Variants in SORCS1 observed in about 807,000 individuals in gnomAD.
SORCS1 encodes VPS10 domain-containing receptor SorCS1.
In SORCS1, 60 loss-of-function variants were observed where a neutral mutation model predicts 146.1. The observed-to-expected ratio is 0.41, with a 90% CI of 0.33 to 0.51. SORCS1 has a LOEUF of 0.51. Among genes scored for constraint, SORCS1 ranks in the 20% least tolerant of loss-of-function variants. The pLI is 0.21. For synonymous variants in SORCS1, 637 were observed against 584.0 expected (o/e 1.09, Z -1.31); for missense variants, 1,352 against 1,487.6 (o/e 0.91, Z 1.50).
chr10:107,179,904 C>CTTTTTTTT, the SORCS1 span, among the ~76,000 whole-genome samples: 17 of 51,286 alleles, frequency 3.3e-4, 4 homozygotes, highest in African/African-American at 1.0e-3. Context: ...ACAAAACAGA[C>CTTTTTTTT]TTTTTTTTTT....
intron 1 of SORCS1, among the ~76,000 whole-genome samples, chr10:106,978,006 C>A (rs1956103802): frequency 6.6e-6 from 1 of 152,176 alleles, no homozygotes; most frequent in Admixed American, 6.5e-5. Flanking sequence ...GTGCAAGGCA[C>A]GATCTCGGCT....
At chr10:106,731,292 CAAAAAAAA>C (rs57238882) in intron 5 of SORCS1, among the ~76,000 whole-genome samples, 3 of 23,760 alleles carry the variant, frequency 1.3e-4, no homozygotes, top group Non-Finnish European at 1.8e-4. Context: ...GACTCCGTCT[CAAAAAAAA>C]AAAAAAAAAA....
chr10:106,618,499 T>C lies in SORCS1; in HGVS notation c.2797-227A>G, dbSNP rs369153210. Among the ~76,000 whole-genome samples, 31 of 152,306 alleles carry C rather than the reference T, an allele frequency of 2.0e-4. No homozygotes were observed. In the East Asian group the frequency reaches 3.5e-3, roughly 17 times the overall value. ...AGTCTGCCTATTCATTGTGAATTCC[T>C]GATATCATCCTGATTCAGGGCTGGG... On this transcript the variant is annotated intron_variant, in intron 20 of 25. Transcript: ENST00000263054.
intron 3 of SORCS1, among the ~76,000 whole-genome samples, chr10:106,818,523 G>A (rs1485567148): frequency 6.6e-6 from 1 of 151,888 alleles, no homozygotes; most frequent in Non-Finnish European, 1.5e-5. Flanking sequence ...GCACCACCAG[G>A]CCCAGCAAAT....
At chr10:106,648,254 G>C (rs908474192) in intron 18 of SORCS1, among the ~76,000 whole-genome samples, 3 of 151,904 alleles carry the variant, frequency 2.0e-5, no homozygotes, top group Admixed American at 6.6e-5. Context: ...CCCTTTTAAA[G>C]TTACTGTAAT....
upstream of SORCS1, among the ~76,000 whole-genome samples, chr10:107,167,828 A>G (rs1476875968): frequency 6.6e-6 from 1 of 152,058 alleles, no homozygotes; most frequent in Non-Finnish European, 1.5e-5. Context: ...GTATAAAGAG[A>G]GAGACAGAAG....
intron 3 of SORCS1, among the ~76,000 whole-genome samples, chr10:106,802,026 A>G (rs1946928090): frequency 1.3e-5 from 2 of 152,154 alleles, no homozygotes; most frequent in South Asian, 4.1e-4. Flanking sequence ...TTCATTCTCA[A>G]AGTTCACGCC....
At chr10:107,111,350 G>A (rs1286985147) in intron 1 of SORCS1, among the ~76,000 whole-genome samples, 4 of 152,080 alleles carry the variant, frequency 2.6e-5, no homozygotes, top group Non-Finnish European at 5.9e-5. Flanking sequence ...AAAATAAAAA[G>A]TTTAATAAAG....
chr10:107,121,918 T>C (rs1161052046), intron 1 of SORCS1, among the ~76,000 whole-genome samples: 2 of 152,166 alleles, frequency 1.3e-5, no homozygotes, highest in Non-Finnish European at 2.9e-5. Flanking sequence ...TACAAAAATG[T>C]ATTTATTATA....
At chr10:106,818,576 G>A (rs558695407) in intron 3 of SORCS1, among the ~76,000 whole-genome samples, 4 of 152,224 alleles carry the variant, frequency 2.6e-5, no homozygotes, top group Admixed American at 1.3e-4. Flanking sequence ...ATGTTGGCCA[G>A]GATAGTCTCG....
chr10:106,639,846 C>A lies in SORCS1; in HGVS notation c.2476-10458G>T, dbSNP rs895278233. Among the ~76,000 whole-genome samples the A allele has an allele frequency of 1.9e-4, 29 of 151,928 alleles. 1 individual carries two copies. ...CATCCTGGCCAACATGGTGAAACTC[C>A]GTCTCTACTAAATATACAAAAATTA... is the stretch of plus-strand genomic sequence containing the variant. On this transcript the variant is annotated intron_variant, in intron 18 of 25. Coordinates refer to ENST00000263054, the MANE Select transcript of SORCS1 (RefSeq NM_052918.5).
At chr10:106,687,131 T>C (rs1852911170) in intron 10 of SORCS1, among the ~76,000 whole-genome samples, 1 of 152,194 alleles carries the variant, frequency 6.6e-6, no homozygotes, top group Non-Finnish European at 1.5e-5. Context: ...CCTCGCCTCC[T>C]TCTGCATTCA....
chr10:106,748,473 G>A (rs1000509797), intron 5 of SORCS1, among the ~76,000 whole-genome samples: 2 of 151,784 alleles, frequency 1.3e-5, no homozygotes, highest in Admixed American at 1.3e-4. Flanking sequence ...ACAGACCAGC[G>A]ATTCCCCCAT....
chr10:106,577,384 G>A lies in SORCS1; in HGVS notation c.*36C>T. 1 of 1,613,434 alleles carries A rather than the reference G, an allele frequency of 6.2e-7. No homozygotes were observed. The highest frequency in any genetic ancestry group is 8.5e-7 in the Non-Finnish European group (1 of 1,179,544). ...CTTGACAAGAGCGAAATTCTTTCCTGATCAGCAGGTCGCCTGTAGCCTTTG... is the reference window on the plus strand; with the variant it reads ...CTTGACAAGAGCGAAATTCTTTCCTAATCAGCAGGTCGCCTGTAGCCTTTG... On this transcript the variant is annotated 3_prime_UTR_variant, in exon 26 of 26. Coordinates refer to ENST00000263054, the MANE Select transcript of SORCS1 (RefSeq NM_052918.5).
At chr10:107,118,426 GAA>G (rs1261071510) in intron 1 of SORCS1, among the ~76,000 whole-genome samples, 1 of 152,160 alleles carries the variant, frequency 6.6e-6, no homozygotes, top group African/African-American at 2.4e-5. Flanking sequence ...GTAAATCCAG[GAA>G]ACAATCCATC....
chr10:106,882,095 C>T (rs969117806), intron 2 of SORCS1, among the ~76,000 whole-genome samples: 1 of 152,132 alleles, frequency 6.6e-6, no homozygotes, highest in African/African-American at 2.4e-5. Flanking sequence ...CCCAAGATAC[C>T]TGGAGAATGA....
At chr10:106,861,395 GC>G (rs1950009812) in intron 2 of SORCS1, among the ~76,000 whole-genome samples, 2 of 110,916 alleles carry the variant, frequency 1.8e-5, no homozygotes, top group Non-Finnish European at 3.7e-5. Flanking sequence ...GTGAGACTCC[GC>G]CTTAAAAAAA....
At chr10:106,898,137 G>A (rs560427310) in intron 2 of SORCS1, among the ~76,000 whole-genome samples, 4 of 152,286 alleles carry the variant, frequency 2.6e-5, no homozygotes, top group Non-Finnish European at 4.4e-5. Flanking sequence ...CAAGCTCTTA[G>A]GGCAATGTGA....
intron 2 of SORCS1, among the ~76,000 whole-genome samples, chr10:106,844,531 T>C (rs1238250760): frequency 6.6e-6 from 1 of 151,964 alleles, no homozygotes; most frequent in Non-Finnish European, 1.5e-5. Context: ...TGCAGGTGAA[T>C]GTCCAGTTTC....
Sources: allele counts gnomAD v4.1 joint callset (sites outside exome capture counted in the v4.1 genomes callset), GRCh38; gene constraint gnomAD v4.1.1; transcripts MANE v1.5; gene names NCBI Gene and HGNC (gene_info 2026-07-23, HGNC 2026-07-21).